BTD: variants seen among roughly 807,000 people sequenced by gnomAD.
BTD encodes the protein biotinidase, also known as biocytinase.
In BTD, 13 loss-of-function variants were observed where a neutral mutation model predicts 17.7. The observed-to-expected ratio is 0.74, with a 90% confidence interval of 0.48 to 1.17. BTD has a LOEUF of 1.17. Ranked by LOEUF, BTD falls within the 50% of genes most tolerant of loss-of-function variation. BTD has a pLI of 0.00. For missense variants in BTD, 674 were observed against 650.4 expected, an observed-to-expected ratio of 1.04 and a Z score of -0.39; for synonymous variants, 240 against 245.2, an observed-to-expected ratio of 0.98 and a Z score of 0.20.
intron 3 of BTD, among the ~76,000 whole-genome samples, chr3:15,683,336 A>G (rs1416725232): frequency 6.6e-6 from 1 of 152,204 alleles, no homozygotes; most frequent in Non-Finnish European, 1.5e-5. Flanking sequence ...TAAAATGTCA[A>G]GTCACATTAC....
At chr3:15,712,204 C>T (rs868237626) in exon 4 of BTD, 3 of 1,583,604 alleles carry the variant, frequency 1.9e-6, no homozygotes, top group African/African-American at 2.7e-5. Context: ...GGAGGGGGAA[C>T]ATTCCATGTA....
intron 2 of BTD, among the ~76,000 whole-genome samples, chr3:15,636,927 G>A (rs959471839): frequency 6.6e-6 from 1 of 151,762 alleles, no homozygotes; most frequent in Non-Finnish European, 1.5e-5. Flanking sequence ...CCTGACATAC[G>A]GTTTCTCCTT....
chr3:15,720,435 T>G (rs1201390852), intron 4 of BTD, among the ~76,000 whole-genome samples: 1 of 152,188 alleles, frequency 6.6e-6, no homozygotes, highest in Non-Finnish European at 1.5e-5. Context: ...GATACAGACA[T>G]CATACATGTC....
chr3:15,686,982 C>T (rs1827543), intron 3 of BTD, among the ~76,000 whole-genome samples: 1,721 of 149,472 alleles, frequency 0.012, 101 homozygotes, highest in Admixed American at 0.087. Flanking sequence ...CTCGCTCTGT[C>T]GCCCAGGCTG....
intron 1 of BTD, among the ~76,000 whole-genome samples, chr3:15,614,413 C>G (rs1188260416): frequency 1.3e-5 from 2 of 151,990 alleles, no homozygotes; most frequent in African/African-American, 4.8e-5. Context: ...TTGCACCCAG[C>G]CTCTATTTTC....
intron 4 of BTD, chr3:15,720,918 C>G: frequency 1.9e-6 from 3 of 1,612,814 alleles, no homozygotes; most frequent in Non-Finnish European, 2.5e-6. Flanking sequence ...TCCTTACCTT[C>G]ATATTGACAT....
chr3:15,638,019 G>A (rs2734309), intron 2 of BTD, among the ~76,000 whole-genome samples: 21,531 of 152,154 alleles, frequency 0.14, 1,912 homozygotes, highest in East Asian at 0.26. Flanking sequence ...TATGTTTTTT[G>A]TTTGTTTGTT....
rs1159199305 is a variant in BTD at position 15,649,244 on chromosome 3, CATG to C, written c.*3760_*3762del. 2.6e-5 allele frequency among the ~76,000 whole-genome samples: 4 copies of C among 152,204 alleles called. No homozygotes were observed. Among genetic ancestry groups the C allele is most frequent in the Admixed American group, 2.6e-4 (4 of 15,278 alleles). Reference sequence around the variant, plus strand: ...TTCCATAGGGATAGCTGAGTGTCCTCATGATGTGGCCCCTGGCTTCCCCTGAAG... The same window carrying C: ...TTCCATAGGGATAGCTGAGTGTCCTCATGTGGCCCCTGGCTTCCCCTGAAG... On this transcript the variant is annotated 3_prime_UTR_variant, in exon 4 of 4. Coordinates refer to ENST00000643237, the MANE Select transcript of BTD (RefSeq NM_001370658.1).
At chr3:15,712,965 T>C (rs866725516), downstream of BTD, among the ~76,000 whole-genome samples, 4 of 152,200 alleles carry the variant, frequency 2.6e-5, no homozygotes, top group Non-Finnish European at 4.4e-5. Flanking sequence ...CAAAGAATGA[T>C]AAACATAAAT....
chr3:15,642,929 G>T (rs1434718332), intron 3 of BTD, among the ~76,000 whole-genome samples: 1 of 151,458 alleles, frequency 6.6e-6, no homozygotes, highest in Non-Finnish European at 1.5e-5. Flanking sequence ...TTGGGAGGCT[G>T]AGGCAGGAGA....
At chr3:15,697,612 T>G (rs377699308) in intron 3 of BTD, among the ~76,000 whole-genome samples, 58 of 152,208 alleles carry the variant, frequency 3.8e-4, no homozygotes, top group African/African-American at 1.4e-3. Flanking sequence ...GAGTTGATTG[T>G]GGTGGGTAAG....
chr3:15,682,612 G>A (rs927566479), intron 3 of BTD, among the ~76,000 whole-genome samples: 2 of 152,108 alleles, frequency 1.3e-5, no homozygotes, highest in Non-Finnish European at 2.9e-5. Context: ...TGAACTTTTA[G>A]TATCTACAGC....
chr3:15,617,428 C>A (rs748421731), intron 1 of BTD, among the ~76,000 whole-genome samples: 16 of 151,878 alleles, frequency 1.1e-4, no homozygotes, highest in Non-Finnish European at 2.1e-4. Flanking sequence ...GATCTATGAT[C>A]TGTTTTGAGT....
At chr3:15,713,555 G>A, downstream of BTD, 1 of 1,611,712 alleles carries the variant, frequency 6.2e-7, no homozygotes, top group Admixed American at 1.7e-5. Flanking sequence ...CTTGTAATAA[G>A]AGTGTTGATC....
intron 1 of BTD, among the ~76,000 whole-genome samples, chr3:15,624,787 C>T (rs1419614413): frequency 6.6e-6 from 1 of 152,204 alleles, no homozygotes; most frequent in African/African-American, 2.4e-5. Flanking sequence ...TGCTGGAGTG[C>T]AGTGGTGTGA....
chr3:15,618,382 GTC>G (rs1159546157), intron 1 of BTD, among the ~76,000 whole-genome samples: 2 of 152,172 alleles, frequency 1.3e-5, no homozygotes, highest in East Asian at 3.8e-4. Context: ...ACGATATTGA[GTC>G]TCTGCATTTA....
At chr3:15,683,490 T>A (rs1423481565) in intron 3 of BTD, among the ~76,000 whole-genome samples, 6 of 152,170 alleles carry the variant, frequency 3.9e-5, no homozygotes, top group Non-Finnish European at 7.4e-5. Flanking sequence ...CCCAAAGGTT[T>A]TATAGTTTTC....
At chr3:15,640,248 G>T (rs1015801623) in intron 2 of BTD, among the ~76,000 whole-genome samples, 2 of 152,202 alleles carry the variant, frequency 1.3e-5, no homozygotes, top group African/African-American at 4.8e-5. Flanking sequence ...AGTGTTTTGA[G>T]CACACTATGC....
chr3:15,714,543 A>C, downstream of BTD: 2 of 1,491,322 alleles, frequency 1.3e-6, no homozygotes, highest in Non-Finnish European at 1.8e-6. Context: ...AAAAAAAAAA[A>C]AAAACCCCAA....
Sources: allele counts gnomAD v4.1 joint callset (sites outside exome capture counted in the v4.1 genomes callset), GRCh38; gene constraint gnomAD v4.1.1; transcripts MANE v1.5; gene names NCBI Gene and HGNC (gene_info 2026-07-23, HGNC 2026-07-21).